The following PDZD8 variants were observed in gnomAD, a reference collection of about 807,000 sequenced individuals.
PDZD8 encodes the protein PDZ domain-containing protein 8.
A neutral mutation model predicts 85.8 loss-of-function variants in PDZD8; 14 were observed. The ratio of observed to expected loss-of-function variants is 0.16; its 90% CI spans 0.11 to 0.26. The LOEUF is 0.26. PDZD8 is among the 10% of genes least tolerant of loss of function. The pLI is 1.00. For missense variants in PDZD8, 1,197 were observed against 1,424.3 expected (o/e 0.84, Z 2.57); for synonymous variants, 592 against 568.6 (o/e 1.04, Z -0.59).
intron 1 of PDZD8, among the ~76,000 whole-genome samples, chr10:117,357,766 C>CAAA (rs767138640): frequency 6.3e-5 from 3 of 47,466 alleles, no homozygotes; most frequent in African/African-American, 2.8e-4. Flanking sequence ...ACTTCATCTC[C>CAAA]AAAAAAAAAA....
intron 1 of PDZD8, among the ~76,000 whole-genome samples, chr10:117,370,018 T>C (rs1564716025): frequency 6.6e-6 from 1 of 152,144 alleles, no homozygotes. Context: ...TCAGACTCCA[T>C]GTTTAAGATG....
chr10:117,284,849 T>C lies in PDZD8; in HGVS notation c.1884A>G (p.Val628=). ...TTGCTTGCTTTTCAGCAGATTTATC[T>C]ACAAGAGGAGGTGGCACCACCTTCT... ...KPEKVVPPPL[V]DKSAEKQAKN... is the part of the protein sequence containing the mutation. Residue 628 remains valine (V), a synonymous_variant, in exon 5 of 5, where the codon GTA becomes GTG. Transcript: ENST00000334464. 6.2e-7 allele frequency: 1 copy of C among 1,614,194 alleles called. No homozygotes were observed. Among genetic ancestry groups the C allele is most frequent in the Non-Finnish European group, 8.5e-7 (1 of 1,180,020 alleles).
chr10:117,307,658 T>C (rs143620052), intron 3 of PDZD8, among the ~76,000 whole-genome samples: 4 of 152,210 alleles, frequency 2.6e-5, no homozygotes, highest in Non-Finnish European at 5.9e-5. Context: ...ATTTCTCTAG[T>C]ACAATCCAAT....
intron 2 of PDZD8, among the ~76,000 whole-genome samples, chr10:117,324,873 G>C (rs1190723138): frequency 6.6e-6 from 1 of 152,028 alleles, no homozygotes; most frequent in Non-Finnish European, 1.5e-5. Flanking sequence ...TCACTTTTGT[G>C]AGCAAAATTT....
At chr10:117,356,546 A>C (rs1844898458) in intron 1 of PDZD8, among the ~76,000 whole-genome samples, 1 of 152,198 alleles carries the variant, frequency 6.6e-6, no homozygotes, top group South Asian at 2.1e-4. Context: ...CTCTTTTAGG[A>C]ATAAAGTTAT....
rs57494461 is a variant in PDZD8, at chr10:117,281,351, CAAAAAAAAAAAAAAAAAAAAAA to C, written c.*1895_*1916del. 2 of 113,936 alleles carry C rather than the reference CAAAAAAAAAAAAAAAAAAAAAA, an allele frequency of 1.8e-5. No homozygotes were observed. The highest frequency in any genetic ancestry group is 7.7e-5 in the African/African-American group (2 of 25,884). The allele number at this position is 113,936 out of a possible 1,614,324, so 7.1% of individuals were successfully genotyped here. ...CCTGGGAGACAGCGAGACTCTGTCTCAAAAAAAAAAAAAAAAAAAAAAAAAAAAAAAAAAAAAAAAGACATCA... is the reference window on the plus strand; with the variant it reads ...CCTGGGAGACAGCGAGACTCTGTCTCAAAAAAAAAAAAAAAAAAGACATCA... On this transcript the variant is annotated 3_prime_UTR_variant, in exon 5 of 5. Transcript: ENST00000334464.
chr10:117,344,019 T>A (rs1042228856), intron 1 of PDZD8, among the ~76,000 whole-genome samples: 2 of 152,190 alleles, frequency 1.3e-5, no homozygotes, highest in African/African-American at 4.8e-5. Context: ...CCATTAGTCT[T>A]TATTTCCTAA....
chr10:117,317,357 C>G (rs1279912021), intron 3 of PDZD8, among the ~76,000 whole-genome samples: 14 of 152,114 alleles, frequency 9.2e-5, no homozygotes, highest in Admixed American at 9.2e-4. Context: ...TCTTAAGGAA[C>G]TAATAATTCT....
chr10:117,315,781 A>G (rs1844119144), intron 3 of PDZD8, among the ~76,000 whole-genome samples: 1 of 152,212 alleles, frequency 6.6e-6, no homozygotes, highest in Admixed American at 6.5e-5. Context: ...AATGATTCAC[A>G]TGTGCTTTAA....
At chr10:117,372,681 G>A (rs970374214) in intron 1 of PDZD8, among the ~76,000 whole-genome samples, 1 of 152,136 alleles carries the variant, frequency 6.6e-6, no homozygotes, top group Admixed American at 6.5e-5. Context: ...GTTTCATAAA[G>A]TATGTTCTAC....
intron 3 of PDZD8, among the ~76,000 whole-genome samples, chr10:117,307,335 T>C (rs1356995426): frequency 6.6e-6 from 1 of 152,018 alleles, no homozygotes; most frequent in Non-Finnish European, 1.5e-5. Flanking sequence ...AATATGCAAG[T>C]TTCTGCAAAC....
intron 3 of PDZD8, among the ~76,000 whole-genome samples, chr10:117,307,431 C>T (rs10787767): frequency 0.15 from 22,560 of 151,922 alleles, 1,954 homozygotes; most frequent in East Asian, 0.41. Flanking sequence ...CTTCTGACAA[C>T]ACTCTCAGTA....
intron 2 of PDZD8, among the ~76,000 whole-genome samples, chr10:117,332,298 A>G (rs975754140): frequency 2.0e-5 from 3 of 151,808 alleles, no homozygotes; most frequent in Admixed American, 2.0e-4. Flanking sequence ...AGAAAAAAAC[A>G]AAAAACAAAA....
intron 3 of PDZD8, among the ~76,000 whole-genome samples, chr10:117,315,269 G>C (rs1218484956): frequency 6.6e-6 from 1 of 152,020 alleles, no homozygotes. Context: ...GAAGAGAGAG[G>C]GAAAGAGAAC....
At chr10:117,373,009 A>G (rs1845220176) in intron 1 of PDZD8, among the ~76,000 whole-genome samples, 1 of 152,238 alleles carries the variant, frequency 6.6e-6, no homozygotes. Flanking sequence ...CAAGACTGAC[A>G]TAATTTTATA....
intron 2 of PDZD8, among the ~76,000 whole-genome samples, chr10:117,321,222 C>T (rs1844220029): frequency 1.3e-5 from 2 of 151,904 alleles, no homozygotes; most frequent in Non-Finnish European, 1.5e-5. Flanking sequence ...TACCTAATAG[C>T]CAAAAAGTGG....
intron 3 of PDZD8, among the ~76,000 whole-genome samples, chr10:117,310,891 C>A (rs1267387578): frequency 6.6e-6 from 1 of 152,190 alleles, no homozygotes; most frequent in African/African-American, 2.4e-5. Context: ...TCTGAGGCAT[C>A]TGGCCTAACG....
intron 3 of PDZD8, among the ~76,000 whole-genome samples, chr10:117,311,440 G>A (rs1450899842): frequency 6.6e-6 from 1 of 152,162 alleles, no homozygotes; most frequent in Admixed American, 6.5e-5. Context: ...CAGACAGCCA[G>A]CCTTAGTCAT....
intron 1 of PDZD8, among the ~76,000 whole-genome samples, chr10:117,363,380 CAT>C (rs925211002): frequency 7.2e-5 from 11 of 152,062 alleles, no homozygotes; most frequent in African/African-American, 2.4e-4. Context: ...GAGAACAGAA[CAT>C]AGTCATTTTT....
Sources: allele counts gnomAD v4.1 joint callset (sites outside exome capture counted in the v4.1 genomes callset), GRCh38; gene constraint gnomAD v4.1.1; transcripts MANE v1.5; gene names NCBI Gene and HGNC (gene_info 2026-07-23, HGNC 2026-07-21).